The following PTPRN2 variants were observed in gnomAD, a reference collection of about 807,000 sequenced individuals.
The protein encoded by PTPRN2 is receptor-type tyrosine-protein phosphatase N2.
Under a neutral mutation model 118.8 loss-of-function variants are expected in PTPRN2, and 74 were observed. The ratio of observed to expected loss-of-function variants is 0.62; its 90% confidence interval spans 0.52 to 0.76. The LOEUF (loss-of-function observed/expected upper bound fraction) is 0.76, where lower values mean the gene tolerates loss of function less well. PTPRN2 is among the 30% of genes least tolerant of loss of function. The pLI is 0.00. For missense variants in PTPRN2, 1,481 were observed against 1,394.4 expected (o/e 1.06, Z -0.99); for synonymous variants, 641 against 608.0 (o/e 1.05, Z -0.80).
intron 12 of PTPRN2, among the ~76,000 whole-genome samples, chr7:157,711,778 C>T (rs994460302): frequency 6.6e-6 from 1 of 152,094 alleles, no homozygotes; most frequent in Non-Finnish European, 1.5e-5. Flanking sequence ...ATATGTGTCT[C>T]TCCCATGGCC....
At chr7:158,322,410 C>A (rs367852404) in intron 2 of PTPRN2, among the ~76,000 whole-genome samples, 14 of 151,882 alleles carry the variant, frequency 9.2e-5, no homozygotes, top group African/African-American at 3.4e-4. Context: ...GAACGAACAG[C>A]GGCCGACCTG....
At chr7:158,143,477 T>A (rs1819580272) in intron 6 of PTPRN2, among the ~76,000 whole-genome samples, 2 of 152,236 alleles carry the variant, frequency 1.3e-5, no homozygotes, top group Admixed American at 1.3e-4. Context: ...AGCCAAGATG[T>A]GTGTCAGAGT....
intron 12 of PTPRN2, among the ~76,000 whole-genome samples, chr7:157,812,973 G>T (rs981810123): frequency 6.6e-6 from 1 of 152,116 alleles, no homozygotes; most frequent in Non-Finnish European, 1.5e-5. Flanking sequence ...CACATTCCAC[G>T]CTGCTCCCTA....
At chr7:157,806,462 G>A (rs1016124962) in intron 12 of PTPRN2, among the ~76,000 whole-genome samples, 5 of 152,180 alleles carry the variant, frequency 3.3e-5, no homozygotes, top group African/African-American at 1.2e-4. Context: ...GTGCATATGT[G>A]TCTATAGATG....
Position 158,546,289 on chromosome 7 carries a change from G to A in PTPRN2, c.112+41269C>T, listed in dbSNP as rs748666215. Among the ~76,000 whole-genome samples the A allele has an allele frequency of 1.3e-5, 2 of 152,316 alleles. No individual in the cohort carries two copies. The highest frequency in any genetic ancestry group is 4.8e-5 in the African/African-American group (2 of 41,578). ...GCTCCTTCCACTGGATGTACAGAGC[G>A]CTTCCAGCAGCTTGAGCTTCACGCC... is the stretch of plus-strand genomic sequence containing the variant. On this transcript the variant is annotated intron_variant, in intron 1 of 22. Coordinates refer to ENST00000389418, the MANE Select transcript of PTPRN2 (RefSeq NM_002847.5). The surrounding 1 kb of genome is among the most constrained non-coding windows in gnomAD (Gnocchi z 5.0).
intron 14 of PTPRN2, among the ~76,000 whole-genome samples, chr7:157,641,794 C>T (rs976879525): frequency 2.0e-5 from 3 of 152,168 alleles, no homozygotes; most frequent in Non-Finnish European, 2.9e-5. Context: ...TGAATAATGT[C>T]GACTTTTCGG....
In PTPRN2 at chr7:158,150,371, A is replaced by C. The variant is rs1435066172; in HGVS notation, c.911-11856T>G. On this transcript the variant is annotated intron_variant, in intron 6 of 22. Coordinates refer to ENST00000389418, the MANE Select transcript of PTPRN2 (RefSeq NM_002847.5). ...CCTGGGCTCACCAAGGGTGTACCCCAGTCTCCGCCCTCCACATGCAGGGCT... is the reference window on the plus strand; with the variant it reads ...CCTGGGCTCACCAAGGGTGTACCCCCGTCTCCGCCCTCCACATGCAGGGCT... Among the ~76,000 whole-genome samples the C allele has an allele frequency of 3.9e-5, 6 of 152,194 alleles. No individual in the cohort carries two copies. In the East Asian group the frequency reaches 1.2e-3, roughly 29 times the overall value.
chr7:157,548,879 C>T (rs1798456586), intron 22 of PTPRN2, 67 bp downstream of exon 22: 4 of 1,475,558 alleles, frequency 2.7e-6, no homozygotes, highest in Non-Finnish European at 3.8e-6. Context: ...CCGTGCTCCT[C>T]TCAGGAACAC....
At chr7:158,548,984 G>T (rs989970024) in intron 1 of PTPRN2, among the ~76,000 whole-genome samples, 1 of 152,190 alleles carries the variant, frequency 6.6e-6, no homozygotes, top group Non-Finnish European at 1.5e-5. Flanking sequence ...GCCAACGCCC[G>T]GCCCCCGCTT....
At chr7:158,579,078 T>C (rs1828498037) in intron 1 of PTPRN2, among the ~76,000 whole-genome samples, 1 of 152,176 alleles carries the variant, frequency 6.6e-6, no homozygotes, top group Non-Finnish European at 1.5e-5. Flanking sequence ...CCACTTCTTT[T>C]ATTCAAGGGC....
chr7:157,885,633 C>G (rs1269729718), intron 12 of PTPRN2, among the ~76,000 whole-genome samples: 2 of 152,220 alleles, frequency 1.3e-5, no homozygotes, highest in Admixed American at 1.3e-4. Flanking sequence ...TAGGGTTTCC[C>G]ACCTGTATCT....
At chr7:158,295,134 G>T (rs1209614116) in intron 3 of PTPRN2, among the ~76,000 whole-genome samples, 1 of 139,180 alleles carries the variant, frequency 7.2e-6, no homozygotes, top group Non-Finnish European at 1.5e-5. Flanking sequence ...CAGAGCCCAT[G>T]GCACCCGCTG....
chr7:157,906,433 T>G (rs532490331), intron 11 of PTPRN2, among the ~76,000 whole-genome samples: 77 of 152,192 alleles, frequency 5.1e-4, no homozygotes, highest in Non-Finnish European at 1.0e-3. Context: ...TTCAGCCCAT[T>G]CTCTTTCCCC....
chr7:158,008,373 G>A lies in PTPRN2; in HGVS notation c.1723+72925C>T, dbSNP rs538420343. Among the ~76,000 whole-genome samples, 205 of 152,314 alleles carry A rather than the reference G, an allele frequency of 1.3e-3. 1 individual carries two copies. The highest frequency in any genetic ancestry group is 4.8e-3 in the African/African-American group (200 of 41,578). On this transcript the variant is annotated intron_variant, in intron 11 of 22. Coordinates refer to ENST00000389418, the MANE Select transcript of PTPRN2 (RefSeq NM_002847.5). ...CAGGAGTGAGACACCAAAACGCAGG[G>A]CTTTGTTTACAGAGAAGGCCGCGGG... is the stretch of plus-strand genomic sequence containing the variant.
At chr7:157,943,222 A>C (rs976086869) in intron 11 of PTPRN2, among the ~76,000 whole-genome samples, 4 of 152,176 alleles carry the variant, frequency 2.6e-5, no homozygotes, top group South Asian at 2.1e-4. Flanking sequence ...AGCCTGGGGA[A>C]GCGATGCAGA....
At chr7:157,696,481 A>G (rs1255555163) in intron 12 of PTPRN2, among the ~76,000 whole-genome samples, 114 of 88,992 alleles carry the variant, frequency 1.3e-3, no homozygotes, top group East Asian at 1.7e-3. Context: ...TGCATACTGG[A>G]TCTTGGCAGA....
At chr7:158,356,775 G>A (rs953278196) in intron 2 of PTPRN2, among the ~76,000 whole-genome samples, 4 of 103,182 alleles carry the variant, frequency 3.9e-5, no homozygotes, top group Admixed American at 3.5e-4. Context: ...CAAAGCAAAA[G>A]GTGAAAAGAG....
chr7:157,602,590 AC>A (rs1453852133), intron 16 of PTPRN2, among the ~76,000 whole-genome samples: 1 of 128,912 alleles, frequency 7.8e-6, no homozygotes, highest in Non-Finnish European at 1.6e-5. Flanking sequence ...ACCATCAGTG[AC>A]CGCTGAGACC....
intron 11 of PTPRN2, among the ~76,000 whole-genome samples, chr7:158,039,136 T>C (rs1326440841): frequency 1.3e-5 from 2 of 152,210 alleles, no homozygotes; most frequent in African/African-American, 4.8e-5. Flanking sequence ...TATACTGTAA[T>C]ACCATGCCAT....
Sources: allele counts gnomAD v4.1 joint callset (sites outside exome capture counted in the v4.1 genomes callset), GRCh38; gene constraint gnomAD v4.1.1; non-coding constraint Gnocchi (gnomAD v3.1); transcripts MANE v1.5; gene names NCBI Gene and HGNC (gene_info 2026-07-23, HGNC 2026-07-21).